The following GPT2 variants were observed in gnomAD, a reference collection of about 807,000 sequenced individuals.
The protein encoded by GPT2 is alanine aminotransferase 2.
GPT2 carries 30 observed loss-of-function variants against 56.9 expected under a neutral mutation model. That is an observed-to-expected ratio of 0.53 (90% CI 0.39 to 0.72). The LOEUF is 0.72. Among genes scored for constraint, GPT2 ranks in the 30% least tolerant of loss-of-function variants. GPT2 has a pLI of 0.00. For synonymous variants in GPT2, 271 were observed against 283.1 expected, an observed-to-expected ratio of 0.96 and a Z score of 0.43; for missense variants, 542 against 703.4, an observed-to-expected ratio of 0.77 and a Z score of 2.60.
At chr16:46,895,050 G>T (rs902226526) in intron 2 of GPT2, among the ~76,000 whole-genome samples, 1 of 152,080 alleles carries the variant, frequency 6.6e-6, no homozygotes. Context: ...CCCCTTCCCC[G>T]AGAAACATAG....
At chr16:46,915,632 C>G (rs1245262890) in intron 6 of GPT2, 1 of 148,858 alleles carries the variant, frequency 6.7e-6, no homozygotes. Context: ...CACACATACC[C>G]CACCACACCT....
chr16:46,924,123 C>T, intron 9 of GPT2: 5 of 486,828 alleles, frequency 1.0e-5, no homozygotes, highest in South Asian at 9.5e-5. Flanking sequence ...CTCAGGCTCA[C>T]ACAAGCTCTT....
At chr16:46,918,472 C>A in intron 7 of GPT2, 149 bp from the exon 8 acceptor site, 3 of 838,048 alleles carry the variant, frequency 3.6e-6, no homozygotes, top group Middle Eastern at 3.6e-4. Flanking sequence ...TTCCTTCAGG[C>A]ACACTTGGCT....
At chr16:46,896,979 C>G (rs764163433) in intron 2 of GPT2, among the ~76,000 whole-genome samples, 3 of 152,232 alleles carry the variant, frequency 2.0e-5, no homozygotes, top group Non-Finnish European at 4.4e-5. Flanking sequence ...GGAGGATCGC[C>G]TGAGCCCAGA....
chr16:46,927,165 C>T, intron 11 of GPT2, 128 bp downstream of exon 11: 1 of 521,310 alleles, frequency 1.9e-6, no homozygotes, highest in African/African-American at 1.9e-5. Flanking sequence ...TCGAGTCACC[C>T]CTACTCTGTC....
chr16:46,891,058 A>G (rs1596860034), intron 2 of GPT2, among the ~76,000 whole-genome samples: 2 of 151,774 alleles, frequency 1.3e-5, no homozygotes, highest in Admixed American at 1.3e-4. Flanking sequence ...TTTTTAGTAG[A>G]GATGGGGTTT....
chr16:46,886,919 T>G (rs968172593), intron 2 of GPT2, among the ~76,000 whole-genome samples: 3 of 152,154 alleles, frequency 2.0e-5, no homozygotes, highest in Non-Finnish European at 2.9e-5. Flanking sequence ...GTAGTTTCAT[T>G]CAAGCGCATC....
chr16:46,927,921 G>A (rs1961449959), intron 11 of GPT2, among the ~76,000 whole-genome samples: 1 of 152,112 alleles, frequency 6.6e-6, no homozygotes. Flanking sequence ...AGTTGTGACT[G>A]GAGGGTGTCT....
intron 9 of GPT2, 68 bp downstream of exon 9, chr16:46,922,484 C>G (rs917764630): frequency 6.8e-7 from 1 of 1,462,244 alleles, no homozygotes; most frequent in Non-Finnish European, 9.2e-7. Context: ...GGGCCAGTGG[C>G]CAGCCTGTCT....
chr16:46,918,789 T>C (rs1567342162), intron 8 of GPT2, 32 bp downstream of exon 8: 2 of 1,610,844 alleles, frequency 1.2e-6, no homozygotes, highest in East Asian at 2.2e-5. Context: ...CTGCCACTGC[T>C]GGGCCTGCCA....
chr16:46,908,894 C>T (rs766312682), intron 5 of GPT2, among the ~76,000 whole-genome samples: 3 of 152,198 alleles, frequency 2.0e-5, no homozygotes, highest in African/African-American at 4.8e-5. Flanking sequence ...GACCTATGCC[C>T]GTGTTTAAGG....
chr16:46,909,927 G>T lies in GPT2; in HGVS notation c.820G>T (p.Gly274Cys). 6.3e-7 allele frequency: 1 copy of T among 1,597,078 alleles called. No individual in the cohort carries two copies. The highest frequency in any genetic ancestry group is 8.6e-7 in the Non-Finnish European group (1 of 1,168,132). Residue 274 changes from glycine (G) to cysteine (C), a missense_variant and splice_region_variant, in exon 6 of 12, where the codon GGC becomes TGC. Coordinates refer to ENST00000340124, the MANE Select transcript of GPT2 (RefSeq NM_133443.4). The part of the protein sequence containing the change: ...LCIINPGNPT[G>C]QVQSRKCIED... ...CATAATCAACCCTGGGAACCCCACA[G>T]GTCTGCACTTTACTTCCTCACCAGT...
intron 10 of GPT2, among the ~76,000 whole-genome samples, chr16:46,926,214 T>C (rs1303429055): frequency 6.6e-6 from 1 of 150,912 alleles, no homozygotes; most frequent in Non-Finnish European, 1.5e-5. Flanking sequence ...TTTGGGAAGC[T>C]GAGGCAGGCA....
intron 2 of GPT2, among the ~76,000 whole-genome samples, chr16:46,895,473 C>T (rs377033612): frequency 1.3e-5 from 2 of 151,534 alleles, no homozygotes; most frequent in South Asian, 2.1e-4. Context: ...TGCAGTGAAC[C>T]GAGATCACAC....
intron 9 of GPT2, chr16:46,924,056 G>A (rs774158380): frequency 8.9e-5 from 34 of 381,828 alleles, no homozygotes; most frequent in East Asian, 4.6e-4. Context: ...CAGGGTGAGC[G>A]CTGTGGAAGA....
intron 2 of GPT2, among the ~76,000 whole-genome samples, chr16:46,895,598 C>T (rs923584176): frequency 5.3e-5 from 8 of 152,168 alleles, no homozygotes; most frequent in Admixed American, 1.3e-4. Flanking sequence ...TCATAGCTCA[C>T]TGCAACCTTG....
intron 4 of GPT2, among the ~76,000 whole-genome samples, chr16:46,906,248 T>A (rs567694801): frequency 6.6e-6 from 1 of 152,170 alleles, no homozygotes; most frequent in Admixed American, 6.5e-5. Flanking sequence ...GATTTTGTAT[T>A]TTTTGTAGAG....
intron 2 of GPT2, among the ~76,000 whole-genome samples, chr16:46,891,105 T>C (rs1485615470): frequency 6.6e-6 from 1 of 152,144 alleles, no homozygotes; most frequent in African/African-American, 2.4e-5. Context: ...CCTCCCAACC[T>C]CAGGTGATCC....
chr16:46,898,975 CATATATATATATATATA>C lies in GPT2; in HGVS notation c.333+1240_333+1256del, dbSNP rs1207318776. 3.8e-5 allele frequency among the ~76,000 whole-genome samples: 5 copies of C among 132,126 alleles called. 1 individual carries two copies. Among genetic ancestry groups the C allele is most frequent in the African/African-American group, 1.5e-4 (5 of 32,796 alleles). The allele number at this position is 132,126 out of a possible 152,430, so 86.7% of individuals were successfully genotyped here. ...ATATGTGTATATATATACACACACA[CATATATATATATATATA>C]ACACACATATATATATATATATATA... is the stretch of plus-strand genomic sequence containing the variant. On this transcript the variant is annotated intron_variant, in intron 3 of 11. Coordinates refer to ENST00000340124, the MANE Select transcript of GPT2 (RefSeq NM_133443.4).
Sources: gnomAD v4.1 joint callset for allele counts (sites outside exome capture counted in the v4.1 genomes callset) on GRCh38, gnomAD v4.1.1 for gene constraint, MANE v1.5 for transcripts, NCBI Gene and HGNC (gene_info 2026-07-23, HGNC 2026-07-21) for gene names.